RARB: variants seen among roughly 807,000 people sequenced by gnomAD.
RARB encodes the protein retinoic acid receptor beta.
RARB carries 17 observed loss-of-function variants against 51.9 expected under a neutral mutation model. The observed-to-expected ratio is 0.33, with a 90% CI of 0.22 to 0.49. The LOEUF is 0.49. RARB is among the 20% of genes least tolerant of loss of function. RARB has a pLI of 0.99. For synonymous variants in RARB, 215 were observed against 195.4 expected (o/e 1.10, Z -0.84); for missense variants, 369 against 550.8 (o/e 0.67, Z 3.30).
chr3:24,881,358 A>C (rs1703155688), intron 2 of RARB, among the ~76,000 whole-genome samples: 1 of 152,208 alleles, frequency 6.6e-6, no homozygotes, highest in Non-Finnish European at 1.5e-5. Context: ...ATTTTTGATA[A>C]CTGCTGAACT....
At chr3:25,267,065 G>A (rs1703143870) in intron 5 of RARB, among the ~76,000 whole-genome samples, 2 of 152,126 alleles carry the variant, frequency 1.3e-5, no homozygotes, top group Non-Finnish European at 2.9e-5. Flanking sequence ...CCCCTTCCCT[G>A]AAGCTCTTTA....
chr3:25,142,290 T>A (rs1364138959), intron 4 of RARB, among the ~76,000 whole-genome samples: 1 of 152,070 alleles, frequency 6.6e-6, no homozygotes, highest in Admixed American at 6.6e-5. Flanking sequence ...ACCTAGATCG[T>A]GCCACTGCAC....
In RARB at chr3:24,852,877, G is replaced by A. The variant is rs138049523; in HGVS notation, c.-458-5797G>A. On this transcript the variant is annotated intron_variant, in intron 1 of 11. Coordinates refer to the RARB transcript ENST00000383772. The stretch of plus-strand genomic sequence containing the variant: ...ACAAATTGGCCCAGGGTTATTTTTT[G>A]GGGGGTTGTGGTGATGATGGAAATG... 7.8e-3 allele frequency among the ~76,000 whole-genome samples: 1,181 copies of A among 152,224 alleles called. 22 individuals are homozygous for A. The highest frequency in any genetic ancestry group is 0.027 in the African/African-American group (1,123 of 41,510).
At chr3:25,098,719 C>T (rs1047532088) in intron 3 of RARB, among the ~76,000 whole-genome samples, 21 of 152,196 alleles carry the variant, frequency 1.4e-4, no homozygotes, top group African/African-American at 4.8e-4. Context: ...GTCTGGCCCA[C>T]ACAGCCTTAA....
intron 5 of RARB, among the ~76,000 whole-genome samples, chr3:25,314,052 C>G (rs1340457368): frequency 6.6e-6 from 1 of 151,928 alleles, no homozygotes; most frequent in East Asian, 1.9e-4. Flanking sequence ...GCCTGGGTGA[C>G]AGAGCCAGAC....
At chr3:25,095,478 T>G (rs951452294) in intron 3 of RARB, among the ~76,000 whole-genome samples, 1 of 152,172 alleles carries the variant, frequency 6.6e-6, no homozygotes, top group African/African-American at 2.4e-5. Flanking sequence ...TCCAAGTGAT[T>G]CCGATGCAAG....
At chr3:24,970,678 G>T (rs1696377974) in intron 2 of RARB, among the ~76,000 whole-genome samples, 1 of 151,576 alleles carries the variant, frequency 6.6e-6, no homozygotes, top group Non-Finnish European at 1.5e-5. Context: ...AGACCTAGAG[G>T]ATAGTCCTTT....
chr3:25,325,014 A>C (rs867165484), intron 5 of RARB, among the ~76,000 whole-genome samples: 7 of 152,318 alleles, frequency 4.6e-5, no homozygotes, highest in South Asian at 2.1e-4. Context: ...GAAGTGAAGA[A>C]ACAAAAGAAT....
At chr3:24,987,337 A>G (rs1696816119) in intron 2 of RARB, among the ~76,000 whole-genome samples, 1 of 152,222 alleles carries the variant, frequency 6.6e-6, no homozygotes, top group Non-Finnish European at 1.5e-5. Context: ...AACAGGATGG[A>G]ATTCTAATGG....
intron 2 of RARB, among the ~76,000 whole-genome samples, chr3:24,947,649 C>T (rs1053701605): frequency 3.3e-5 from 5 of 152,282 alleles, no homozygotes; most frequent in East Asian, 3.9e-4. Context: ...AAAGATTCTC[C>T]ATCCACTCTG....
chr3:24,929,748 C>A (rs1695400981), intron 2 of RARB, among the ~76,000 whole-genome samples: 1 of 152,052 alleles, frequency 6.6e-6, no homozygotes, highest in African/African-American at 2.4e-5. Flanking sequence ...CTAGAGGGAG[C>A]AGAGATTCCC....
At chr3:25,211,677 C>T (rs1701700472) in intron 5 of RARB, among the ~76,000 whole-genome samples, 2 of 152,124 alleles carry the variant, frequency 1.3e-5, no homozygotes, top group African/African-American at 4.8e-5. Context: ...AAGGGCCCAA[C>T]AGTGAAATTT....
intron 2 of RARB, among the ~76,000 whole-genome samples, chr3:25,056,158 C>G (rs1055991931): frequency 6.6e-6 from 1 of 152,038 alleles, no homozygotes; most frequent in Non-Finnish European, 1.5e-5. Flanking sequence ...ACAGGCTGGT[C>G]AAAGAGAATC....
chr3:24,978,301 G>A (rs911345908), intron 2 of RARB, among the ~76,000 whole-genome samples: 2 of 151,948 alleles, frequency 1.3e-5, no homozygotes, highest in Non-Finnish European at 2.9e-5. Context: ...CTCTTTTTCT[G>A]TTGTTTGGAA....
At chr3:25,216,493 C>G (rs1217926611) in intron 5 of RARB, among the ~76,000 whole-genome samples, 1 of 151,878 alleles carries the variant, frequency 6.6e-6, no homozygotes, top group Admixed American at 6.6e-5. Flanking sequence ...GAACAGAAAA[C>G]CAAACACTGC....
intron 2 of RARB, among the ~76,000 whole-genome samples, chr3:24,988,160 T>TCCCAC (rs1485683827): frequency 1.3e-5 from 2 of 152,156 alleles, no homozygotes; most frequent in African/African-American, 4.8e-5. Context: ...TCATGATGTC[T>TCCCAC]CCCACAGTTA....
At chr3:25,390,247 T>C (rs1379328706) in intron 5 of RARB, among the ~76,000 whole-genome samples, 2 of 152,124 alleles carry the variant, frequency 1.3e-5, no homozygotes, top group Non-Finnish European at 2.9e-5. Context: ...AGCCCCCAGC[T>C]ACTCAGGAAG....
At chr3:25,319,852 C>G (rs1371531504) in intron 5 of RARB, among the ~76,000 whole-genome samples, 1 of 152,160 alleles carries the variant, frequency 6.6e-6, no homozygotes. Flanking sequence ...CTCTCAGTCA[C>G]TTCTTTTTAT....
At chr3:24,925,644 T>TC (rs72068159) in intron 2 of RARB, among the ~76,000 whole-genome samples, 2,786 of 62,392 alleles carry the variant, frequency 0.045, 84 homozygotes, top group African/African-American at 0.13. Flanking sequence ...AGATCCTGTC[T>TC]TTTTTTTTTT....
Sources: allele counts gnomAD v4.1 joint callset (sites outside exome capture counted in the v4.1 genomes callset), GRCh38; gene constraint gnomAD v4.1.1; transcripts MANE v1.5; gene names NCBI Gene and HGNC (gene_info 2026-07-23, HGNC 2026-07-21).